GALNTL6: variants seen among roughly 807,000 people sequenced by gnomAD.
GALNTL6 encodes polypeptide N-acetylgalactosaminyltransferase like 6, also known as polypeptide N-acetylgalactosaminyltransferase-like 6.
In GALNTL6, 46 loss-of-function variants were observed where a neutral mutation model predicts 73.7. The observed-to-expected ratio is 0.62, with a 90% CI of 0.49 to 0.80. The LOEUF (loss-of-function observed/expected upper bound fraction) is 0.80, where lower values mean the gene tolerates loss of function less well. GALNTL6 is among the 30% of genes least tolerant of loss of function. GALNTL6 has a pLI of 0.00. For missense variants in GALNTL6, 604 were observed against 755.0 expected (o/e 0.80, Z 2.34); for synonymous variants, 259 against 263.7 (o/e 0.98, Z 0.17).
chr4:172,655,093 TTAGGTCA>T (rs1417869489), intron 5 of GALNTL6, among the ~76,000 whole-genome samples: 1 of 152,198 alleles, frequency 6.6e-6, no homozygotes, highest in Non-Finnish European at 1.5e-5. Context: ...TGGGTGTATT[TTAGGTCA>T]TAGATTTTTA....
At chr4:172,796,684 T>G (rs1192487740) in intron 5 of GALNTL6, among the ~76,000 whole-genome samples, 1 of 152,196 alleles carries the variant, frequency 6.6e-6, no homozygotes, top group Non-Finnish European at 1.5e-5. Context: ...GGCAATGCCT[T>G]GAGAGGACAC....
rs557730895 is a variant in GALNTL6 at position 172,107,584 on chromosome 4, C to A, written c.139-122072C>A. On this transcript the variant is annotated intron_variant, in intron 2 of 12. Transcript: ENST00000506823. ...AGCAAATTATTGCAAGGACAAAAAA[C>A]CAAACACCGCATGTTCTCACTCATA... Among the ~76,000 whole-genome samples, 44 of 148,946 alleles carry A rather than the reference C, an allele frequency of 3.0e-4. 1 individual carries two copies. The South Asian group carries it at 7.9e-3, about 27-fold the overall frequency.
At chr4:172,603,627 A>AATAT (rs1363304575) in intron 5 of GALNTL6, among the ~76,000 whole-genome samples, 1 of 152,230 alleles carries the variant, frequency 6.6e-6, no homozygotes, top group East Asian at 1.9e-4. Flanking sequence ...TAAATAAATA[A>AATAT]AACTTAATGG....
intron 2 of GALNTL6, among the ~76,000 whole-genome samples, chr4:171,922,963 AC>A (rs1202964665): frequency 1.2e-4 from 19 of 152,110 alleles, no homozygotes; most frequent in African/African-American, 3.6e-4. Context: ...TTACTCCAAA[AC>A]CCCAAATTAC....
At chr4:172,249,550 C>T (rs1471821491) in intron 3 of GALNTL6, among the ~76,000 whole-genome samples, 1 of 152,142 alleles carries the variant, frequency 6.6e-6, no homozygotes, top group Non-Finnish European at 1.5e-5. Flanking sequence ...GGCAACCCCT[C>T]CCATCACAAA....
At chr4:172,423,709 C>G (rs1289257468) in intron 5 of GALNTL6, among the ~76,000 whole-genome samples, 1 of 151,982 alleles carries the variant, frequency 6.6e-6, no homozygotes, top group Non-Finnish European at 1.5e-5. Flanking sequence ...AGAATGTAAG[C>G]TCTAAAAAGG....
intron 2 of GALNTL6, among the ~76,000 whole-genome samples, chr4:172,012,143 T>G (rs568350891): frequency 1.9e-4 from 29 of 152,246 alleles, no homozygotes; most frequent in African/African-American, 7.0e-4. Flanking sequence ...TAAAGGCTAC[T>G]GCTCTCTGAC....
chr4:171,819,060 G>A (rs1467195396), intron 2 of GALNTL6, among the ~76,000 whole-genome samples: 5 of 151,436 alleles, frequency 3.3e-5, no homozygotes, highest in African/African-American at 4.9e-5. Flanking sequence ...TCCTTTTTTA[G>A]CAAATACCTT....
intron 2 of GALNTL6, among the ~76,000 whole-genome samples, chr4:172,038,183 T>C (rs1483429680): frequency 2.6e-5 from 4 of 152,094 alleles, no homozygotes; most frequent in African/African-American, 9.7e-5. Flanking sequence ...TATTCAGCCT[T>C]ATTTGCAAAT....
intron 2 of GALNTL6, among the ~76,000 whole-genome samples, chr4:172,146,391 CA>C (rs547333658): frequency 3.9e-4 from 59 of 152,140 alleles, no homozygotes; most frequent in African/African-American, 1.4e-3. Context: ...AAGGCAAAAA[CA>C]AAAAAATCAC....
chr4:172,531,787 G>T (rs1735178481), intron 5 of GALNTL6, among the ~76,000 whole-genome samples: 1 of 152,204 alleles, frequency 6.6e-6, no homozygotes, highest in South Asian at 2.1e-4. Context: ...CTCAGCAGTA[G>T]TTGCTGGGCA....
chr4:172,896,529 A>G (rs999539729), intron 8 of GALNTL6, among the ~76,000 whole-genome samples: 13 of 152,254 alleles, frequency 8.5e-5, no homozygotes, highest in Non-Finnish European at 1.9e-4. Context: ...CCAGTGGCCC[A>G]GACAAGCATG....
intron 2 of GALNTL6, among the ~76,000 whole-genome samples, chr4:171,929,376 A>G (rs547897465): frequency 1.3e-5 from 2 of 152,248 alleles, no homozygotes; most frequent in East Asian, 3.9e-4. Flanking sequence ...TATTTTATAC[A>G]TAAAAGGTCT....
chr4:172,230,505 C>CG (rs1554005431), intron 3 of GALNTL6, among the ~76,000 whole-genome samples: 1 of 149,876 alleles, frequency 6.7e-6, no homozygotes, highest in Non-Finnish European at 1.5e-5. Flanking sequence ...GAGAATGGCC[C>CG]GGGGGGTGGA....
chr4:172,944,297 A>G (rs1749054196), intron 9 of GALNTL6, among the ~76,000 whole-genome samples: 1 of 152,242 alleles, frequency 6.6e-6, no homozygotes, highest in Non-Finnish European at 1.5e-5. Context: ...CCCAATTTTT[A>G]AAATGGGTAA....
At chr4:173,036,904 G>A (rs1481871241) in intron 12 of GALNTL6, among the ~76,000 whole-genome samples, 1 of 152,216 alleles carries the variant, frequency 6.6e-6, no homozygotes, top group Non-Finnish European at 1.5e-5. Flanking sequence ...GAAGGGCAGA[G>A]GAGGGAAAGG....
At chr4:173,026,172 T>C (rs1561094260) in intron 12 of GALNTL6, among the ~76,000 whole-genome samples, 1 of 152,218 alleles carries the variant, frequency 6.6e-6, no homozygotes, top group East Asian at 1.9e-4. Flanking sequence ...CATGGTTTAT[T>C]TGGGATATAG....
At chr4:173,032,091 G>A (rs1444576101) in intron 12 of GALNTL6, among the ~76,000 whole-genome samples, 1 of 152,336 alleles carries the variant, frequency 6.6e-6, no homozygotes, top group South Asian at 2.1e-4. Context: ...CAGTTGAAAT[G>A]CATACGTGCA....
At chr4:173,001,892 TGG>T (rs745536245) in intron 10 of GALNTL6, among the ~76,000 whole-genome samples, 9 of 152,214 alleles carry the variant, frequency 5.9e-5, no homozygotes, top group Non-Finnish European at 1.3e-4. Flanking sequence ...ATGAAGAAAT[TGG>T]AACCATTGTA....
Sources: gnomAD v4.1 joint callset for allele counts (sites outside exome capture counted in the v4.1 genomes callset) on GRCh38, gnomAD v4.1.1 for gene constraint, MANE v1.5 for transcripts, NCBI Gene and HGNC (gene_info 2026-07-23, HGNC 2026-07-21) for gene names.